The following ZC2HC1A variants were observed in gnomAD, a reference collection of about 807,000 sequenced individuals.
ZC2HC1A encodes zinc finger C2HC-type containing 1A.
In ZC2HC1A, 28 loss-of-function variants were observed where a neutral mutation model predicts 40.7. The ratio of observed to expected loss-of-function variants is 0.69; its 90% CI spans 0.51 to 0.94. ZC2HC1A has a LOEUF of 0.94. ZC2HC1A is among the 40% of genes least tolerant of loss of function. The probability of loss-of-function intolerance (pLI) is 0.00; values close to 1 mark genes in which losing one functional copy is unlikely to be tolerated. For synonymous variants in ZC2HC1A, 129 were observed against 129.2 expected (o/e 1.00, Z 0.01); for missense variants, 389 against 386.3 (o/e 1.01, Z -0.06).
intron 5 of ZC2HC1A, among the ~76,000 whole-genome samples, chr8:78,696,964 C>A (rs576351308): frequency 6.6e-6 from 1 of 152,208 alleles, no homozygotes; most frequent in African/African-American, 2.4e-5. Flanking sequence ...TTCCGTTAGA[C>A]CTTTTTTTCT....
In ZC2HC1A at chr8:78,666,232, C is replaced by T. The variant is rs974202062; in HGVS notation, c.16+68C>T. The T allele has an allele frequency of 2.6e-6, 4 of 1,550,924 alleles. No individual in the cohort carries two copies. In the African/African-American group the frequency reaches 4.1e-5, roughly 16 times the overall value. On this transcript the variant is annotated intron_variant, in intron 1 of 8. Transcript: ENST00000263849. The stretch of plus-strand genomic sequence containing the variant: ...CCGAAACAGCTGGGGACCCTGGACA[C>T]CAGTAGCAGGAAGGCGAGGGCTGGT...
At chr8:78,674,577 A>G (rs555194394) in intron 1 of ZC2HC1A, among the ~76,000 whole-genome samples, 1 of 152,256 alleles carries the variant, frequency 6.6e-6, no homozygotes, top group South Asian at 2.1e-4. Flanking sequence ...AAGTCAGGCA[A>G]ATCTTAGCTT....
At chr8:78,679,778 TA>T (rs925348199) in intron 3 of ZC2HC1A, among the ~76,000 whole-genome samples, 2 of 152,318 alleles carry the variant, frequency 1.3e-5, no homozygotes, top group African/African-American at 2.4e-5. Context: ...ATCTTACTAA[TA>T]AAAAATCATT....
chr8:78,674,112 A>G (rs1048964763), intron 1 of ZC2HC1A, among the ~76,000 whole-genome samples: 3 of 152,114 alleles, frequency 2.0e-5, no homozygotes, highest in African/African-American at 4.8e-5. Context: ...TTAATAAGTA[A>G]ATAATATAGA....
intron 1 of ZC2HC1A, among the ~76,000 whole-genome samples, chr8:78,666,509 T>A (rs974406973): frequency 6.6e-6 from 1 of 152,188 alleles, no homozygotes; most frequent in Non-Finnish European, 1.5e-5. Flanking sequence ...CCAGATTTTG[T>A]TTTCCTTGTA....
chr8:78,668,080 A>T (rs1809351762), intron 1 of ZC2HC1A, among the ~76,000 whole-genome samples: 1 of 152,112 alleles, frequency 6.6e-6, no homozygotes, highest in Non-Finnish European at 1.5e-5. Flanking sequence ...GAATTCTGGT[A>T]ATTTCAAGCA....
At chr8:78,696,892 G>A (rs1433610556) in intron 5 of ZC2HC1A, among the ~76,000 whole-genome samples, 1 of 152,140 alleles carries the variant, frequency 6.6e-6, no homozygotes, top group Middle Eastern at 3.2e-3. Flanking sequence ...CACCATAGCT[G>A]TTTCTAAGTT....
chr8:78,710,081 T>C (rs1001608317), intron 7 of ZC2HC1A, among the ~76,000 whole-genome samples: 17 of 152,204 alleles, frequency 1.1e-4, no homozygotes, highest in Non-Finnish European at 2.5e-4. Context: ...AGGGATAGGT[T>C]GATATCGTCA....
chr8:78,701,942 G>A (rs1472444364), intron 7 of ZC2HC1A, among the ~76,000 whole-genome samples: 2 of 152,008 alleles, frequency 1.3e-5, no homozygotes, highest in Non-Finnish European at 2.9e-5. Context: ...TTCCTTTTTT[G>A]TTGTGTCTCT....
chr8:78,712,123 C>A, intron 7 of ZC2HC1A: 1 of 1,241,832 alleles, frequency 8.1e-7, no homozygotes. Flanking sequence ...ATTTGTAACT[C>A]AGTTTGGTTA....
chr8:78,689,289 C>T lies in ZC2HC1A; in HGVS notation c.420C>T (p.Phe140=), dbSNP rs746953463. ...ATGCAGCTGATAGACATATAAATTT[C>T]TGTAAAGAACAGGCAGCACGTATTA... ...NENAADRHIN[F]CKEQAARISN... is the part of the protein sequence containing the mutation. Residue 140 remains phenylalanine (F), a synonymous_variant, in exon 5 of 9, where the codon TTC becomes TTT. Transcript: ENST00000263849. The T allele has an allele frequency of 6.2e-7, 1 of 1,601,468 alleles. No homozygotes were observed.
chr8:78,687,860 ATATC>A (rs35866322), intron 4 of ZC2HC1A, among the ~76,000 whole-genome samples: 62,455 of 115,262 alleles, frequency 0.54, 21,946 homozygotes, highest in South Asian at 0.75. Context: ...TATATAATAT[ATATC>A]TATATAATAA....
intron 5 of ZC2HC1A, among the ~76,000 whole-genome samples, chr8:78,696,717 GCT>G (rs1810428716): frequency 6.6e-6 from 1 of 152,158 alleles, no homozygotes; most frequent in South Asian, 2.1e-4. Flanking sequence ...GCCAGAATTA[GCT>G]CTTTCTCTTC....
At position 78,687,588 on chromosome 8, in the gene ZC2HC1A, AATTATATATATTTACATAATAC is replaced by A. The variant is rs1810039235; in HGVS notation, c.352+996_352+1017del. On this transcript the variant is annotated intron_variant, in intron 4 of 8. Transcript: ENST00000263849. The stretch of plus-strand genomic sequence containing the variant: ...ATAAATTATATATATTTACGTAATA[AATTATATATATTTACATAATAC>A]ATTATATATATTTACGTAATACATT... 5.0e-5 allele frequency among the ~76,000 whole-genome samples: 7 copies of A among 140,840 alleles called. 1 individual carries two copies. The East Asian group carries it at 6.0e-4, about 12-fold the overall frequency. The allele number at this position is 140,840 out of a possible 152,430, so 92.4% of individuals were successfully genotyped here.
Position 78,686,565 on chromosome 8 carries a change from G to C in ZC2HC1A, c.309G>C (p.Glu103Asp). ...AAKGLDQALK[E>D]GGKLPPPPPP... ...AAGGCCTTGATCAGGCCCTCAAAGA[G>C]GGTGGCAAACTTCCTCCTCCTCCTC... Residue 103 changes from glutamate to aspartate, a missense_variant, in exon 4 of 9, where the codon GAG (glutamate) becomes GAC (aspartate). Coordinates refer to ENST00000263849, the MANE Select transcript of ZC2HC1A (RefSeq NM_016010.3). 6.5e-7 allele frequency: 1 copy of C among 1,533,840 alleles called. No homozygotes were observed. Among genetic ancestry groups the C allele is most frequent in the Non-Finnish European group, 8.8e-7 (1 of 1,139,368 alleles).
In ZC2HC1A at chr8:78,686,519, T is replaced by C. The variant is rs1235994926; in HGVS notation, c.263T>C (p.Ile88Thr). The C allele has an allele frequency of 3.2e-6, 5 of 1,551,694 alleles. No individual in the cohort carries two copies. In the African/African-American group the frequency reaches 6.9e-5, roughly 22 times the overall value. The change falls in exon 4 of 9, where the codon ATT becomes ACT. Residue 88 changes from isoleucine to threonine, a missense_variant. Coordinates refer to ENST00000263849, the MANE Select transcript of ZC2HC1A (RefSeq NM_016010.3). ...SNWRRKHEEF[I>T]ATIRAAKGLD... ...TGGAGAAGGAAACATGAAGAATTCATTGCTACCATAAGAGCAGCTAAAGGC... is the reference window on the plus strand; with the variant it reads ...TGGAGAAGGAAACATGAAGAATTCACTGCTACCATAAGAGCAGCTAAAGGC...
intron 1 of ZC2HC1A, among the ~76,000 whole-genome samples, chr8:78,670,542 A>G (rs1177497059): frequency 1.3e-5 from 2 of 152,154 alleles, no homozygotes; most frequent in Non-Finnish European, 2.9e-5. Flanking sequence ...TTAATGTACC[A>G]TTTTCCAAAC....
chr8:78,680,688 C>A (rs1003321273), intron 3 of ZC2HC1A, among the ~76,000 whole-genome samples: 2 of 152,056 alleles, frequency 1.3e-5, no homozygotes, highest in African/African-American at 4.8e-5. Context: ...AGGATTGCCC[C>A]AAAGCAGTTG....
intron 4 of ZC2HC1A, 117 bp downstream of exon 4, chr8:78,686,725 CTT>C (rs1384334257): frequency 2.6e-6 from 3 of 1,136,014 alleles, no homozygotes; most frequent in Non-Finnish European, 3.4e-6. Flanking sequence ...GAGGCATAAT[CTT>C]TAAAATTTGG....
Sources: gnomAD v4.1 joint callset for allele counts (sites outside exome capture counted in the v4.1 genomes callset) on GRCh38, gnomAD v4.1.1 for gene constraint, MANE v1.5 for transcripts, NCBI Gene and HGNC (gene_info 2026-07-23, HGNC 2026-07-21) for gene names.